The following NKAIN1 variants were observed in gnomAD, a reference collection of about 807,000 sequenced individuals.
NKAIN1 encodes sodium/potassium-transporting ATPase subunit beta-1-interacting protein 1.
NKAIN1 carries 13 observed loss-of-function variants against 31.6 expected under a neutral mutation model. The observed-to-expected ratio is 0.41, with a 90% CI of 0.27 to 0.65. NKAIN1 has a LOEUF of 0.65. NKAIN1 is among the 30% of genes least tolerant of loss of function. The probability of loss-of-function intolerance (pLI) is 0.30; values close to 1 mark genes in which losing one functional copy is unlikely to be tolerated. For missense variants in NKAIN1, 193 were observed against 262.2 expected, an observed-to-expected ratio of 0.74 and a Z score of 1.82; for synonymous variants, 104 against 109.0, an observed-to-expected ratio of 0.95 and a Z score of 0.28.
chr1:31,214,811 A>G (rs1645497968), intron 1 of NKAIN1, among the ~76,000 whole-genome samples: 1 of 152,204 alleles, frequency 6.6e-6, no homozygotes, highest in Non-Finnish European at 1.5e-5. Flanking sequence ...CAGGCGCTGG[A>G]GAGGACCCAG....
chr1:31,229,287 A>T (rs1271158050), intron 1 of NKAIN1, among the ~76,000 whole-genome samples: 1 of 152,140 alleles, frequency 6.6e-6, no homozygotes, highest in Non-Finnish European at 1.5e-5. Flanking sequence ...AAGCTCACCT[A>T]TGGTGAGCTG....
At chr1:31,210,536 G>A (rs892215187) in intron 1 of NKAIN1, among the ~76,000 whole-genome samples, 4 of 152,116 alleles carry the variant, frequency 2.6e-5, no homozygotes, top group Admixed American at 6.6e-5. Flanking sequence ...TGATCCACCC[G>A]CCTTGGCCTC....
chr1:31,228,481 T>C (rs1184603319), intron 1 of NKAIN1, among the ~76,000 whole-genome samples: 2 of 152,106 alleles, frequency 1.3e-5, no homozygotes, highest in East Asian at 1.9e-4. Context: ...TGTTCATAAT[T>C]ATAGATATCA....
intron 1 of NKAIN1, among the ~76,000 whole-genome samples, chr1:31,225,033 C>CTTTTCT (rs542671307): frequency 8.9e-6 from 1 of 112,136 alleles, no homozygotes; most frequent in Non-Finnish European, 1.7e-5. Context: ...CTTTTCTTTT[C>CTTTTCT]TTTTTTTTTT....
At chr1:31,219,415 G>A (rs561739855) in intron 1 of NKAIN1, among the ~76,000 whole-genome samples, 48 of 152,392 alleles carry the variant, frequency 3.1e-4, no homozygotes, top group African/African-American at 1.1e-3. Context: ...CTCTGGAGAA[G>A]CCCCGGCACG....
chr1:31,216,690 T>TTTTATTTATTTATTTATTTA (rs35212874), intron 1 of NKAIN1, among the ~76,000 whole-genome samples: 21 of 140,490 alleles, frequency 1.5e-4, no homozygotes, highest in South Asian at 2.4e-4. Context: ...TGGCATTGAC[T>TTTTATTTATTTATTTATTTA]TTTATTTATT....
intron 1 of NKAIN1, among the ~76,000 whole-genome samples, chr1:31,222,824 T>C (rs907665228): frequency 1.3e-5 from 2 of 152,204 alleles, no homozygotes; most frequent in Admixed American, 1.3e-4. Flanking sequence ...CTGTGTGATG[T>C]TGGGCAGGCT....
At chr1:31,235,795 A>G (rs1316737507) in intron 1 of NKAIN1, among the ~76,000 whole-genome samples, 1 of 152,094 alleles carries the variant, frequency 6.6e-6, no homozygotes, top group Non-Finnish European at 1.5e-5. Context: ...CTTGCCCCAA[A>G]TTGCAGGATG....
chr1:31,212,268 C>T (rs754081047), intron 1 of NKAIN1, among the ~76,000 whole-genome samples: 4 of 152,102 alleles, frequency 2.6e-5, no homozygotes, highest in Non-Finnish European at 5.9e-5. Flanking sequence ...AATAAAGGTG[C>T]ACTCCTTCCT....
chr1:31,202,673 AT>A (rs1645391935), intron 1 of NKAIN1, among the ~76,000 whole-genome samples: 1 of 46,134 alleles, frequency 2.2e-5, no homozygotes, highest in South Asian at 7.9e-4. Context: ...GAGACTCTGT[AT>A]AAAAAAAAAA....
intron 1 of NKAIN1, among the ~76,000 whole-genome samples, chr1:31,194,765 CTCTTTTT>C (rs962236359): frequency 7.4e-6 from 1 of 134,776 alleles, no homozygotes; most frequent in Non-Finnish European, 1.6e-5. Context: ...CTCTCTCTCT[CTCTTTTT>C]TTTTTTTTTT....
Position 31,239,538 on chromosome 1 carries a change from A to AC in NKAIN1, c.9dup (p.Cys4ValfsTer25). The stretch of plus-strand genomic sequence containing the variant: ...GCGACCAGCGTGCAGCGCCCGCTGC[A>AC]CTTGCCCATGGCTCCGGGGGCTGCG... On this transcript the variant is annotated frameshift_variant, in exon 1 of 7. Transcript: ENST00000373736. LOFTEE classifies it high-confidence loss of function. This position sits in a 1 kb window ranked among gnomAD's most constrained non-coding sequence, Gnocchi z 4.8. 2.2e-6 allele frequency: 3 copies of AC among 1,333,782 alleles called. No individual in the cohort carries two copies. The highest frequency in any genetic ancestry group is 2.9e-6 in the Non-Finnish European group (3 of 1,046,280). The allele number at this position is 1,333,782 out of a possible 1,614,324, so 82.6% of individuals were successfully genotyped here. A position where few individuals can be genotyped will look rare whatever the true frequency, so the allele number is the denominator to read the frequency against.
chr1:31,187,954 G>A, intron 2 of NKAIN1, 96 bp downstream of exon 2: 1 of 1,312,312 alleles, frequency 7.6e-7, no homozygotes, highest in Non-Finnish European at 1.0e-6. Context: ...GTGCCCCAGT[G>A]TTGGGGGGCA....
At chr1:31,209,300 G>A (rs954528995) in intron 1 of NKAIN1, among the ~76,000 whole-genome samples, 2 of 152,112 alleles carry the variant, frequency 1.3e-5, no homozygotes, top group Non-Finnish European at 1.5e-5. Flanking sequence ...ACTTGAACCC[G>A]GGAGACGGAG....
chr1:31,197,945 C>T (rs1645344207), intron 1 of NKAIN1, among the ~76,000 whole-genome samples: 1 of 152,184 alleles, frequency 6.6e-6, no homozygotes, highest in African/African-American at 2.4e-5. Context: ...CAGCCTTGAA[C>T]TCCTTGGCTC....
intron 1 of NKAIN1, among the ~76,000 whole-genome samples, chr1:31,214,630 G>T (rs191234750): frequency 3.0e-4 from 46 of 152,330 alleles, no homozygotes; most frequent in African/African-American, 1.1e-3. Flanking sequence ...TCAGTGCTCT[G>T]AAGGAAGGGT....
chr1:31,231,506 A>G (rs1645647462), intron 1 of NKAIN1, among the ~76,000 whole-genome samples: 1 of 145,250 alleles, frequency 6.9e-6, no homozygotes. Flanking sequence ...CATGAGTTCA[A>G]TTGTTTTTGT....
At chr1:31,206,877 G>A (rs1645429036) in intron 1 of NKAIN1, among the ~76,000 whole-genome samples, 1 of 152,130 alleles carries the variant, frequency 6.6e-6, no homozygotes, top group Non-Finnish European at 1.5e-5. Flanking sequence ...GGGACTATAG[G>A]CATGCACCAC....
chr1:31,218,038 TTC>T (rs571099184), intron 1 of NKAIN1, among the ~76,000 whole-genome samples: 1,734 of 99,278 alleles, frequency 0.017, 48 homozygotes, highest in African/African-American at 0.056. Context: ...CTTTCTTTCT[TTC>T]TTTCTTTCTT....
Sources: gnomAD v4.1 joint callset for allele counts (sites outside exome capture counted in the v4.1 genomes callset) on GRCh38, gnomAD v4.1.1 for gene constraint, Gnocchi (gnomAD v3.1) non-coding constraint, MANE v1.5 for transcripts, NCBI Gene and HGNC (gene_info 2026-07-23, HGNC 2026-07-21) for gene names.